HMGXB4: variants seen among roughly 807,000 people sequenced by gnomAD.
The protein encoded by HMGXB4 is HMG domain-containing protein 4.
HMGXB4 carries 27 observed loss-of-function variants against 63.9 expected under a neutral mutation model. The ratio of observed to expected loss-of-function variants is 0.42; its 90% CI spans 0.31 to 0.58. The LOEUF (loss-of-function observed/expected upper bound fraction) is 0.58. HMGXB4 is among the 20% of genes least tolerant of loss of function. The probability of loss-of-function intolerance (pLI) is 0.13; values close to 1 mark genes in which losing one functional copy is unlikely to be tolerated. For synonymous variants in HMGXB4, 264 were observed against 265.3 expected, an observed-to-expected ratio of 0.99 and a Z score of 0.05; for missense variants, 624 against 700.7, an observed-to-expected ratio of 0.89 and a Z score of 1.24.
At chr22:35,247,255 G>A in the HMGXB4 span, among the ~76,000 whole-genome samples, 1 of 152,158 alleles carries the variant, frequency 6.6e-6, no homozygotes, top group Admixed American at 6.5e-5. Context: ...CTTGTTGGAT[G>A]GATCAGAGAG....
At chr22:35,292,932 A>C in intron 9 of HMGXB4, 60 bp from the exon 10 acceptor site, 1 of 1,607,716 alleles carries the variant, frequency 6.2e-7, no homozygotes, top group Admixed American at 1.7e-5. Context: ...TGTGTGAGGA[A>C]GTCAGCCGGA....
At chr22:35,284,977 C>T (rs1924476874) in intron 6 of HMGXB4, among the ~76,000 whole-genome samples, 1 of 152,200 alleles carries the variant, frequency 6.6e-6, no homozygotes. Context: ...TAGAGGATTG[C>T]TTCTGAGCTG....
chr22:35,284,179 G>A, intron 6 of HMGXB4, 136 bp downstream of exon 6: 1 of 628,194 alleles, frequency 1.6e-6, no homozygotes, highest in Non-Finnish European at 2.8e-6. Flanking sequence ...TTTAGATTTT[G>A]CCTTAGTTTA....
chr22:35,255,329 C>A (rs564547005), upstream of HMGXB4, among the ~76,000 whole-genome samples: 15 of 151,606 alleles, frequency 9.9e-5, no homozygotes, highest in African/African-American at 2.9e-4. Flanking sequence ...AAAAAAAAAA[C>A]AACAAAAAAA....
the HMGXB4 span, among the ~76,000 whole-genome samples, chr22:35,247,628 TC>T: frequency 6.6e-6 from 1 of 151,432 alleles, no homozygotes; most frequent in African/African-American, 2.4e-5. Flanking sequence ...CTGGAAACTC[TC>T]CAGGCATTAA....
chr22:35,286,851 C>CAAAAA (rs67190857), intron 7 of HMGXB4: 5 of 72,796 alleles, frequency 6.9e-5, no homozygotes, highest in Non-Finnish European at 1.2e-4. Flanking sequence ...AACTCCATCT[C>CAAAAA]AAAAAAAAAA....
chr22:35,267,256 T>C (rs1484993329), intron 5 of HMGXB4, among the ~76,000 whole-genome samples: 1 of 151,596 alleles, frequency 6.6e-6, no homozygotes, highest in East Asian at 1.9e-4. Flanking sequence ...AGTGTGAACA[T>C]AAAGACCTGG....
In HMGXB4 at chr22:35,287,721, G is replaced by A. The variant is rs1924680083; in HGVS notation, c.1468+269G>A. Among the ~76,000 whole-genome samples the A allele has an allele frequency of 2.6e-5, 4 of 151,750 alleles. No homozygotes were observed. The South Asian group carries it at 8.4e-4, about 32-fold the overall frequency. ...CCTAGCACTTTGGGAGGCCAAGGTG[G>A]GCGGATCACCTGAGGTCAGGAGTTC... is the stretch of plus-strand genomic sequence containing the variant. On this transcript the variant is annotated intron_variant, in intron 8 of 10. Coordinates refer to ENST00000216106, the MANE Select transcript of HMGXB4 (RefSeq NM_001003681.3).
the HMGXB4 span, among the ~76,000 whole-genome samples, chr22:35,248,759 AC>A: frequency 6.6e-6 from 1 of 151,674 alleles, no homozygotes; most frequent in African/African-American, 2.4e-5. Context: ...AGAAAAACTC[AC>A]TTATCATCAA....
upstream of HMGXB4, among the ~76,000 whole-genome samples, chr22:35,255,532 C>T (rs1338010779): frequency 6.6e-6 from 1 of 152,098 alleles, no homozygotes; most frequent in African/African-American, 2.4e-5. Context: ...ACAAACAAAA[C>T]CTCCCTCCAC....
chr22:35,246,824 A>T, the HMGXB4 span, among the ~76,000 whole-genome samples: 1 of 152,190 alleles, frequency 6.6e-6, no homozygotes, highest in African/African-American at 2.4e-5. Flanking sequence ...CAAGGTGTTT[A>T]GTTGTACTTA....
At chr22:35,262,491 A>G (rs1453143334) in intron 2 of HMGXB4, 70 bp downstream of exon 2, 11 of 1,472,888 alleles carry the variant, frequency 7.5e-6, no homozygotes, top group Non-Finnish European at 1.0e-5. Flanking sequence ...CCATGGATAT[A>G]GAGACCAGGA....
intron 10 of HMGXB4, 104 bp downstream of exon 10, chr22:35,293,218 C>A: frequency 7.9e-7 from 1 of 1,267,902 alleles, no homozygotes; most frequent in Non-Finnish European, 1.1e-6. Flanking sequence ...ACACACAGTG[C>A]TTCCTTCATC....
At chr22:35,270,708 G>A (rs1008489650) in intron 5 of HMGXB4, among the ~76,000 whole-genome samples, 4 of 152,186 alleles carry the variant, frequency 2.6e-5, no homozygotes, top group African/African-American at 9.7e-5. Flanking sequence ...TCTATAATTT[G>A]CCCATGTGGC....
chr22:35,265,004 G>T lies in HMGXB4; in HGVS notation c.616G>T (p.Val206Phe), dbSNP rs1389212181. Residue 206 changes from valine (V) to phenylalanine (F), a missense_variant, in exon 5 of 11, where the codon GTT becomes TTT. By Grantham distance (50) the Val-to-Phe change is conservative. This residue lies in a region of HMGXB4 where 472 missense variants were observed against 470.6 expected (regional missense o/e 1.00). Coordinates refer to ENST00000216106, the MANE Select transcript of HMGXB4 (RefSeq NM_001003681.3). ...ACCAAAGGAGAAGGGAAGCAGCTCT[G>T]TTGATGAGGAGTCTTTTCAATATCC... ...LSPKEKGSSS[V>F]DEESFQYPSQ... The T allele has an allele frequency of 6.2e-7, 1 of 1,613,972 alleles. No homozygotes were observed. Among genetic ancestry groups the T allele is most frequent in the Non-Finnish European group, 8.5e-7 (1 of 1,179,940 alleles).
chr22:35,262,744 C>T (rs1380440347), intron 2 of HMGXB4: 1 of 517,270 alleles, frequency 1.9e-6, no homozygotes, highest in African/African-American at 1.9e-5. Context: ...CCACAGAGAG[C>T]AGCACAGCAC....
At chr22:35,247,452 A>C in the HMGXB4 span, among the ~76,000 whole-genome samples, 2 of 152,290 alleles carry the variant, frequency 1.3e-5, no homozygotes, top group African/African-American at 4.8e-5. Context: ...TATTTGCTGA[A>C]GATGCAAGAG....
At chr22:35,254,039 G>A (rs544765645), upstream of HMGXB4, among the ~76,000 whole-genome samples, 7 of 152,126 alleles carry the variant, frequency 4.6e-5, no homozygotes, top group African/African-American at 9.7e-5. Context: ...CCATCAGACC[G>A]AAGACAAAGA....
At chr22:35,247,737 G>GGTTTGTTTGTTT in the HMGXB4 span, among the ~76,000 whole-genome samples, 111 of 151,646 alleles carry the variant, frequency 7.3e-4, no homozygotes, top group African/African-American at 2.6e-3. Context: ...TTTTTTTGCT[G>GGTTTGTTTGTTT]GTTTGTTTGT....
Sources: gnomAD v4.1 joint callset for allele counts (sites outside exome capture counted in the v4.1 genomes callset) on GRCh38, gnomAD v4.1.1 for gene constraint, gnomAD v4.1.1 regional missense constraint, MANE v1.5 for transcripts, NCBI Gene and HGNC (gene_info 2026-07-23, HGNC 2026-07-21) for gene names.